Variants in WDPCP observed in about 807,000 individuals in gnomAD.
The protein encoded by WDPCP is WD repeat containing planar cell polarity effector.
WDPCP carries 71 observed loss-of-function variants against 93.1 expected under a neutral mutation model. That is an observed-to-expected ratio of 0.76 (90% CI 0.63 to 0.93). The LOEUF (loss-of-function observed/expected upper bound fraction) is 0.93. WDPCP is among the 40% of genes least tolerant of loss of function. The pLI is 0.00. For synonymous variants in WDPCP, 315 were observed against 315.0 expected, an observed-to-expected ratio of 1.00 and a Z score of 0.00; for missense variants, 844 against 887.4, an observed-to-expected ratio of 0.95 and a Z score of 0.62.
chr2:63,792,955 A>T (rs1389816919), intron 2 of WDPCP, among the ~76,000 whole-genome samples: 1 of 151,976 alleles, frequency 6.6e-6, no homozygotes, highest in Admixed American at 6.6e-5. Flanking sequence ...GTAGAAGCCT[A>T]AAAGTGTTTG....
At chr2:63,627,501 C>T (rs1445623857) in intron 3 of WDPCP, among the ~76,000 whole-genome samples, 1 of 152,206 alleles carries the variant, frequency 6.6e-6, no homozygotes, top group Non-Finnish European at 1.5e-5. Context: ...CCCGTTTTAC[C>T]ACTCCAACGT....
chr2:63,397,064 T>C (rs1693791856), intron 10 of WDPCP, among the ~76,000 whole-genome samples: 1 of 152,146 alleles, frequency 6.6e-6, no homozygotes, highest in South Asian at 2.1e-4. Context: ...ACTCAGGGGA[T>C]TAACTGCGGA....
In WDPCP at chr2:63,178,315, T is replaced by G. The variant is rs1264450515; in HGVS notation, c.1916-3483A>C. Among the ~76,000 whole-genome samples, 6 of 152,188 alleles carry G rather than the reference T, an allele frequency of 3.9e-5. No individual in the cohort carries two copies. The South Asian group carries it at 1.2e-3, about 31-fold the overall frequency. On this transcript the variant is annotated intron_variant, in intron 14 of 17. Coordinates refer to ENST00000272321, the MANE Select transcript of WDPCP (RefSeq NM_015910.7). ...AATTCTTTAAATATTTGCTGGAATA[T>G]TCTAATGAAGGCATGAGGTCTTGGG... is the stretch of plus-strand genomic sequence containing the variant.
intron 14 of WDPCP, among the ~76,000 whole-genome samples, chr2:63,183,937 G>A (rs1405385755): frequency 1.3e-5 from 2 of 151,906 alleles, no homozygotes; most frequent in Non-Finnish European, 2.9e-5. Context: ...TATAAGCGTA[G>A]ATACTCCTGC....
At chr2:63,245,921 G>A (rs1680236374) in intron 14 of WDPCP, among the ~76,000 whole-genome samples, 1 of 152,076 alleles carries the variant, frequency 6.6e-6, no homozygotes, top group Non-Finnish European at 1.5e-5. Context: ...TTACAATTCT[G>A]CTTTCTTAGT....
At chr2:63,232,085 A>ATTCCCTATTT (rs1465106935) in intron 14 of WDPCP, among the ~76,000 whole-genome samples, 1 of 152,210 alleles carries the variant, frequency 6.6e-6, no homozygotes, top group African/African-American at 2.4e-5. Context: ...TGGGGAAAGG[A>ATTCCCTATTT]TTCCCTATTT....
intron 1 of WDPCP, among the ~76,000 whole-genome samples, chr2:63,575,381 A>ATATACAGTG: frequency 1.1e-5 from 1 of 89,494 alleles, no homozygotes; most frequent in Non-Finnish European, 2.3e-5. Flanking sequence ...TATATACAGT[A>ATATACAGTG]TATACACGGT....
rs1700979243 is a variant in WDPCP, at chr2:63,492,847, C to G, written c.160+9G>C. On this transcript the variant is annotated intron_variant, in intron 2 of 17. Coordinates refer to ENST00000272321, the MANE Select transcript of WDPCP (RefSeq NM_015910.7). ...GAAAAATATTGAAATTAATCCAGAG[C>G]TCATTTACCCGCAATGTGTAAGGTA... 5 of 1,612,550 alleles carry G rather than the reference C, an allele frequency of 3.1e-6. No individual in the cohort carries two copies. In the Middle Eastern group the frequency reaches 5.0e-4, roughly 160 times the overall value.
intron 13 of WDPCP, among the ~76,000 whole-genome samples, chr2:63,261,039 C>T (rs1228988048): frequency 1.3e-5 from 2 of 152,174 alleles, no homozygotes; most frequent in African/African-American, 4.8e-5. Flanking sequence ...GAAAAGGTTT[C>T]AAGCTAAAGT....
intron 1 of WDPCP, among the ~76,000 whole-genome samples, chr2:63,568,484 A>G (rs1424797765): frequency 6.6e-6 from 1 of 152,250 alleles, no homozygotes; most frequent in Non-Finnish European, 1.5e-5. Flanking sequence ...GTAAAGAAAT[A>G]GCACTTGAAC....
At chr2:63,623,921 C>T (rs1291561842) in intron 3 of WDPCP, among the ~76,000 whole-genome samples, 1 of 152,110 alleles carries the variant, frequency 6.6e-6, no homozygotes. Context: ...TAAAACTGAC[C>T]ACATATGTGG....
chr2:63,706,804 G>T (rs1417288533), intron 2 of WDPCP, among the ~76,000 whole-genome samples: 1 of 151,540 alleles, frequency 6.6e-6, no homozygotes, highest in African/African-American at 2.4e-5. Context: ...TTTTAGTAGA[G>T]ATGGGGTTTC....
chr2:63,575,428 G>GTGTATGCAC (rs1707922740), intron 1 of WDPCP, among the ~76,000 whole-genome samples: 5 of 30,068 alleles, frequency 1.7e-4, no homozygotes, highest in Admixed American at 3.6e-4. Context: ...ACTGTATACA[G>GTGTATGCAC]TGTATATACA....
intron 2 of WDPCP, among the ~76,000 whole-genome samples, chr2:63,789,419 G>A (rs998764783): frequency 4.6e-5 from 7 of 152,148 alleles, no homozygotes; most frequent in African/African-American, 1.7e-4. Context: ...GGTATTTGTT[G>A]AAAGGAACAC....
At chr2:63,452,589 C>A (rs546332716) in intron 6 of WDPCP, among the ~76,000 whole-genome samples, 1 of 152,142 alleles carries the variant, frequency 6.6e-6, no homozygotes, top group African/African-American at 2.4e-5. Flanking sequence ...TTGGAAAAAA[C>A]TACTTTAAAG....
chr2:63,679,668 C>T (rs1710465155), intron 2 of WDPCP, among the ~76,000 whole-genome samples: 1 of 152,160 alleles, frequency 6.6e-6, no homozygotes, highest in African/African-American at 2.4e-5. Context: ...CATTTCTTTG[C>T]AGCTTCCACG....
intron 17 of WDPCP, among the ~76,000 whole-genome samples, chr2:63,140,905 A>G (rs1276121354): frequency 1.3e-5 from 2 of 152,138 alleles, no homozygotes; most frequent in Non-Finnish European, 1.5e-5. Context: ...CCCAGAGGGA[A>G]TGCTTTCAAC....
At chr2:63,207,398 G>T (rs1428645724) in intron 14 of WDPCP, among the ~76,000 whole-genome samples, 3 of 152,192 alleles carry the variant, frequency 2.0e-5, no homozygotes, top group South Asian at 2.1e-4. Context: ...CACCCTGATT[G>T]TAAGTTTCCT....
At chr2:63,679,494 G>T (rs262535) in intron 2 of WDPCP, among the ~76,000 whole-genome samples, 106,217 of 151,936 alleles carry the variant, frequency 0.7, 37,402 homozygotes, top group East Asian at 0.98. Context: ...TCCTGGTTCT[G>T]CCCTATGGGA....
Sources: allele counts gnomAD v4.1 joint callset (sites outside exome capture counted in the v4.1 genomes callset), GRCh38; gene constraint gnomAD v4.1.1; transcripts MANE v1.5; gene names NCBI Gene and HGNC (gene_info 2026-07-23, HGNC 2026-07-21).